Variants in CFAP47 observed in about 807,000 individuals in gnomAD.
CFAP47 encodes the protein cilia and flagella associated protein 47.
A neutral mutation model predicts 148.1 loss-of-function variants in CFAP47; 29 were observed. The ratio of observed to expected loss-of-function variants is 0.20; its 90% CI spans 0.15 to 0.27. CFAP47 has a LOEUF of 0.27. Among genes scored for constraint, CFAP47 ranks in the 10% least tolerant of loss-of-function variants. The pLI is 1.00. For synonymous variants in CFAP47, 664 were observed against 577.3 expected (o/e 1.15, Z -2.15); for missense variants, 1,872 against 1,697.5 (o/e 1.10, Z -1.81).
intron 49 of CFAP47, among the ~76,000 whole-genome samples, chrX:36,268,125 A>G (rs1308147120): frequency 5.3e-5 from 6 of 113,435 alleles, no homozygotes; most frequent in African/African-American, 1.9e-4. Flanking sequence ...TTCTGCCTTT[A>G]CATAAGATGA....
In CFAP47 at chrX:36,299,084, G is replaced by A; in HGVS notation, c.7794G>A (p.Leu2598=). ...AALNGDNEII[L]SPLQCTKYIV... Reference sequence around the variant, plus strand: ...TTAATGGGGATAATGAAATTATCCTGAGTCCACTACAGTGCACCAAATATA... The same window carrying A: ...TTAATGGGGATAATGAAATTATCCTAAGTCCACTACAGTGCACCAAATATA... Residue 2598 remains leucine (L), a synonymous_variant, in exon 52 of 64, where the codon CTG becomes CTA. Transcript: ENST00000378653. 8 of 1,139,588 alleles carry A rather than the reference G, an allele frequency of 7.0e-6. No individual in the cohort carries two copies. Among genetic ancestry groups the A allele is most frequent in the Non-Finnish European group, 9.4e-6 (8 of 850,447 alleles). 93.9% of individuals were successfully genotyped at this position (1,139,588 alleles called of 1,213,427 possible).
At chrX:36,179,885 T>C (rs767508115) in intron 40 of CFAP47, among the ~76,000 whole-genome samples, 1 of 111,218 alleles carries the variant, frequency 9.0e-6, no homozygotes, top group East Asian at 2.8e-4. Flanking sequence ...ATTCAAACCC[T>C]GTCCACTAGG....
intron 1 of CFAP47, among the ~76,000 whole-genome samples, chrX:35,922,539 T>C (rs1028818162): frequency 1.8e-5 from 2 of 112,920 alleles, no homozygotes; most frequent in African/African-American, 6.4e-5. Flanking sequence ...TACAAGAAGA[T>C]AGTCAAACCT....
chrX:36,168,084 T>G (rs1301898319), intron 39 of CFAP47, among the ~76,000 whole-genome samples: 1 of 111,558 alleles, frequency 9.0e-6, no homozygotes, highest in East Asian at 2.8e-4. Flanking sequence ...TAATCCCAAT[T>G]GGTTTGTGTT....
In CFAP47 at chrX:35,989,423, G is replaced by A. The variant is rs754210036; in HGVS notation, c.2818G>A (p.Ala940Thr). ...EFILHVFQGN[A>T]LKLKCVAHLG... The stretch of plus-strand genomic sequence containing the variant: ...TATTCTTCATGTCTTTCAAGGAAAC[G>A]CGTTGAAGCTAAAATGTGTTGCACA... The change falls in exon 16 of 64, where the codon GCG becomes ACG. Residue 940 changes from alanine to threonine, a missense_variant. By Grantham distance (58) the Ala-to-Thr change is moderately conservative. Coordinates refer to ENST00000378653, the MANE Select transcript of CFAP47 (RefSeq NM_001304548.2). 1.1e-4 allele frequency: 131 copies of A among 1,208,715 alleles called. 1 individual carries two copies. The East Asian group carries it at 3.6e-3, about 33-fold the overall frequency.
In CFAP47 at chrX:36,177,200, C is replaced by T. The variant is rs377624187; in HGVS notation, c.6027-2145C>T. Among the ~76,000 whole-genome samples, 35 of 111,831 alleles carry T rather than the reference C, an allele frequency of 3.1e-4. No individual in the cohort carries two copies. The East Asian group carries it at 8.7e-3, about 28-fold the overall frequency. On this transcript the variant is annotated intron_variant, in intron 39 of 63. Coordinates refer to ENST00000378653, the MANE Select transcript of CFAP47 (RefSeq NM_001304548.2). The stretch of plus-strand genomic sequence containing the variant: ...TCTGTATATTTTAGGAAAACGTGCT[C>T]TTTGTATTTAAGCAGGGATGATTCA...
At chrX:35,941,816 A>G (rs1184912522) in intron 3 of CFAP47, among the ~76,000 whole-genome samples, 1 of 111,715 alleles carries the variant, frequency 9.0e-6, no homozygotes, top group African/African-American at 3.2e-5. Flanking sequence ...CATACTTTAA[A>G]CTGTGGTATG....
intron 30 of CFAP47, among the ~76,000 whole-genome samples, chrX:36,087,504 T>C (rs916365038): frequency 1.3e-4 from 14 of 111,978 alleles, no homozygotes; most frequent in Admixed American, 2.8e-4. Flanking sequence ...AACACAGCTA[T>C]GTGGAATTTT....
intron 42 of CFAP47, among the ~76,000 whole-genome samples, chrX:36,195,730 A>G: frequency 9.0e-6 from 1 of 111,539 alleles, no homozygotes; most frequent in Non-Finnish European, 1.9e-5. Context: ...ATATTGCTAT[A>G]AAGATCAAAC....
At chrX:36,357,348 G>A (rs1361679070) in intron 60 of CFAP47, among the ~76,000 whole-genome samples, 2 of 111,413 alleles carry the variant, frequency 1.8e-5, no homozygotes, top group Admixed American at 1.9e-4. Context: ...TAGAATTTCT[G>A]AGTCACATAA....
intron 26 of CFAP47, among the ~76,000 whole-genome samples, chrX:36,058,417 AAG>A (rs1937570780): frequency 8.9e-6 from 1 of 111,811 alleles, no homozygotes; most frequent in Non-Finnish European, 1.9e-5. Context: ...GCTGCTTTGT[AAG>A]AGTCTGCAGC....
chrX:36,117,831 TAC>T (rs1449024503), intron 33 of CFAP47, among the ~76,000 whole-genome samples: 1 of 112,001 alleles, frequency 8.9e-6, no homozygotes, highest in Non-Finnish European at 1.9e-5. Context: ...ATCAGCATTC[TAC>T]AGTTTTCCTT....
chrX:36,084,558 G>A (rs895505156), intron 29 of CFAP47, among the ~76,000 whole-genome samples: 1 of 111,610 alleles, frequency 9.0e-6, no homozygotes, highest in African/African-American at 3.3e-5. Context: ...GTACTTATTT[G>A]TCAATCTAAG....
intron 49 of CFAP47, among the ~76,000 whole-genome samples, chrX:36,266,683 G>T (rs181298009): frequency 9.0e-6 from 1 of 110,826 alleles, no homozygotes; most frequent in Non-Finnish European, 1.9e-5. Flanking sequence ...TGGGGTAGCT[G>T]AGGCTGCACT....
In CFAP47 at chrX:36,285,642, C is replaced by A. The variant is rs1431533002; in HGVS notation, c.7602C>A (p.Asn2534Lys). ...LDDADTYGNF[N>K]NLRFWYNLEI... ...TTTGTTTTTCAGATGGTAATTTTAA[C>A]AATTTAAGATTCTGGTATAATCTTG... Residue 2534 changes from asparagine to lysine, a missense_variant, in exon 51 of 64, where the codon AAC becomes AAA. Coordinates refer to ENST00000378653, the MANE Select transcript of CFAP47 (RefSeq NM_001304548.2). 1.2e-5 allele frequency: 11 copies of A among 936,095 alleles called. No homozygotes were observed. Among genetic ancestry groups the A allele is most frequent in the Non-Finnish European group, 1.7e-5 (11 of 666,526 alleles). 77.1% of individuals were successfully genotyped at this position (936,095 alleles called of 1,213,427 possible).
intron 15 of CFAP47, among the ~76,000 whole-genome samples, chrX:35,979,355 CTTGTT>C (rs1247431867): frequency 9.1e-6 from 1 of 109,423 alleles, no homozygotes; most frequent in African/African-American, 3.3e-5. Context: ...CATGCTTCTG[CTTGTT>C]TTGTTTTGTT....
At chrX:36,343,762 G>A (rs1187907395) in intron 57 of CFAP47, among the ~76,000 whole-genome samples, 1 of 111,484 alleles carries the variant, frequency 9.0e-6, no homozygotes, top group Non-Finnish European at 1.9e-5. Flanking sequence ...GAAGGGCAAT[G>A]GGAAAACCAT....
chrX:35,924,321 A>ATGTGTATATGTGTACATATATG (rs1935680534), intron 1 of CFAP47, among the ~76,000 whole-genome samples: 1 of 105,979 alleles, frequency 9.4e-6, no homozygotes, highest in Non-Finnish European at 1.9e-5. Context: ...ATGTACATGT[A>ATGTGTATATGTGTACATATATG]TGTGTATATG....
intron 60 of CFAP47, among the ~76,000 whole-genome samples, chrX:36,359,844 G>A (rs868972049): frequency 7.2e-5 from 8 of 110,931 alleles, no homozygotes; most frequent in South Asian, 3.8e-4. Context: ...TCTGCCTCCC[G>A]GGTTCACACC....
Sources: gnomAD v4.1 joint callset for allele counts (sites outside exome capture counted in the v4.1 genomes callset) on GRCh38, gnomAD v4.1.1 for gene constraint, MANE v1.5 for transcripts, NCBI Gene and HGNC (gene_info 2026-07-23, HGNC 2026-07-21) for gene names.